RASSF6: variants seen among roughly 807,000 people sequenced by gnomAD.
RASSF6 encodes the protein Ras association domain family member 6, also known as ras association domain-containing protein 6.
In RASSF6, 52 loss-of-function variants were observed where a neutral mutation model predicts 44.0. That is an observed-to-expected ratio of 1.18 (90% CI 0.95 to 1.49). The LOEUF (loss-of-function observed/expected upper bound fraction) is 1.49, where lower values mean the gene tolerates loss of function less well. RASSF6 is among the 40% of genes most tolerant of loss of function. The probability of loss-of-function intolerance (pLI) is 0.00; values close to 1 mark genes in which losing one functional copy is unlikely to be tolerated. For synonymous variants in RASSF6, 162 were observed against 124.6 expected, an observed-to-expected ratio of 1.30 and a Z score of -2.00; for missense variants, 464 against 393.3, an observed-to-expected ratio of 1.18 and a Z score of -1.52.
intron 1 of RASSF6, among the ~76,000 whole-genome samples, chr4:73,615,178 C>CAAA (rs59463389): frequency 0.69 from 53,073 of 77,174 alleles, 18,911 homozygotes; most frequent in East Asian, 0.87. Flanking sequence ...GACTCTGTCT[C>CAAA]AAAAAAAAAA....
chr4:73,576,538 AAGC>A, intron 9 of RASSF6, 31 bp from the exon 10 acceptor site: 1 of 1,555,088 alleles, frequency 6.4e-7, no homozygotes, highest in Non-Finnish European at 8.7e-7. Context: ...AAAAAAAAGA[AAGC>A]AGAACAATTA....
intron 1 of RASSF6, chr4:73,615,814 G>A (rs755741487): frequency 2.5e-4 from 303 of 1,212,336 alleles, no homozygotes; most frequent in Non-Finnish European, 3.4e-4. Flanking sequence ...CAGCATTAGC[G>A]TTCCAGCAAT....
Position 73,598,700 on chromosome 4 carries a change from T to A in RASSF6, c.84A>T (p.Leu28Phe). ...CATAAAAAATGTTATAGGTCTTCAATAAAGAATTAAGTTGTTCCCTAAAAA... is the reference window on the plus strand; with the variant it reads ...CATAAAAAATGTTATAGGTCTTCAAAAAAGAATTAAGTTGTTCCCTAAAAA... ...TFITREQLNSLLKTYNIFYEN... is the reference protein window; with the variant it reads ...TFITREQLNSFLKTYNIFYEN... Residue 28 changes from leucine to phenylalanine, a missense_variant, in exon 3 of 11, where the codon TTA becomes TTT. Leu to Phe is a conservative substitution (Grantham distance 22). Coordinates refer to ENST00000307439, the MANE Select transcript of RASSF6 (RefSeq NM_177532.5). 7.1e-7 allele frequency: 1 copy of A among 1,413,964 alleles called. No homozygotes were observed. 87.6% of individuals were successfully genotyped at this position (1,413,964 alleles called of 1,614,324 possible).
At chr4:73,614,213 C>T (rs1421441891) in intron 1 of RASSF6, among the ~76,000 whole-genome samples, 1 of 152,198 alleles carries the variant, frequency 6.6e-6, no homozygotes, top group Non-Finnish European at 1.5e-5. Flanking sequence ...CTGCTACTAC[C>T]CTAAGCCAAG....
intron 3 of RASSF6, among the ~76,000 whole-genome samples, chr4:73,598,032 G>C (rs1210049150): frequency 6.6e-6 from 1 of 152,176 alleles, no homozygotes. Context: ...CTCAATAGCT[G>C]GGTGAAGAAA....
At chr4:73,591,601 A>C (rs2149378578) in intron 4 of RASSF6, among the ~76,000 whole-genome samples, 3 of 152,216 alleles carry the variant, frequency 2.0e-5, no homozygotes, top group Middle Eastern at 6.8e-3. Flanking sequence ...AAGCCCCATC[A>C]GTCATCAGGT....
chr4:73,592,678 A>G (rs1264874932), intron 4 of RASSF6, among the ~76,000 whole-genome samples: 1 of 152,218 alleles, frequency 6.6e-6, no homozygotes, highest in East Asian at 1.9e-4. Flanking sequence ...TCTGTTGAAC[A>G]GGATTGGGAC....
Position 73,576,525 on chromosome 4 carries a change from GA to G in RASSF6, c.841-19del, listed in dbSNP as rs577176139. 5.5e-3 allele frequency: 7,415 copies of G among 1,358,654 alleles called. 19 individuals are homozygous for G. Among genetic ancestry groups the G allele is most frequent in the Non-Finnish European group, 6.3e-3 (6,341 of 999,286 alleles). The allele number at this position is 1,358,654 out of a possible 1,614,324, so 84.2% of individuals were successfully genotyped here. A position where few individuals can be genotyped will look rare whatever the true frequency, so the allele number is the denominator to read the frequency against. ...TGAGCCACCTAAGAAAGAAGAAGAAGAAAAAAAAAAGAAAGCAGAACAATTA... is the reference window on the plus strand; with the variant it reads ...TGAGCCACCTAAGAAAGAAGAAGAAGAAAAAAAAAGAAAGCAGAACAATTA... On this transcript the variant is annotated intron_variant, in intron 9 of 10. Coordinates refer to ENST00000307439, the MANE Select transcript of RASSF6 (RefSeq NM_177532.5).
intron 1 of RASSF6, among the ~76,000 whole-genome samples, chr4:73,614,350 A>G (rs1726209887): frequency 6.6e-6 from 1 of 152,222 alleles, no homozygotes; most frequent in African/African-American, 2.4e-5. Flanking sequence ...AATAGTATTA[A>G]CAGGTGAGGA....
In RASSF6 at chr4:73,575,063, G is replaced by T. The variant is rs560202360; in HGVS notation, c.*1172C>A. 63 of 152,248 alleles carry T rather than the reference G, an allele frequency of 4.1e-4. No homozygotes were observed. Among genetic ancestry groups the T allele is most frequent in the African/African-American group, 1.5e-3 (61 of 41,550 alleles). 9.4% of individuals were successfully genotyped at this position (152,248 alleles called of 1,614,324 possible). A position where few individuals can be genotyped will look rare whatever the true frequency, so the allele number is the denominator to read the frequency against. On this transcript the variant is annotated 3_prime_UTR_variant, in exon 11 of 11. Transcript: ENST00000307439. ...AGTTTAGGTTTGGTAATACTGAGAAGTAATGCCTTTGTCTTAAAAATGTTT... is the reference window on the plus strand; with the variant it reads ...AGTTTAGGTTTGGTAATACTGAGAATTAATGCCTTTGTCTTAAAAATGTTT...
chr4:73,580,629 G>A (rs868762682), intron 8 of RASSF6, among the ~76,000 whole-genome samples: 117 of 148,210 alleles, frequency 7.9e-4, no homozygotes, highest in African/African-American at 2.6e-3. Flanking sequence ...GCCAGTGATG[G>A]TGAGCATTTT....
chr4:73,580,158 T>C (rs900128746), intron 8 of RASSF6, among the ~76,000 whole-genome samples: 2 of 151,852 alleles, frequency 1.3e-5, no homozygotes, highest in African/African-American at 4.8e-5. Context: ...TTACTAAGAA[T>C]GATGATTTCC....
intron 1 of RASSF6, among the ~76,000 whole-genome samples, chr4:73,613,960 C>G (rs1438743717): frequency 1.3e-5 from 2 of 152,152 alleles, no homozygotes; most frequent in Non-Finnish European, 2.9e-5. Context: ...CGCATGTCAC[C>G]ACCTACCTAA....
rs749627935 is a variant in RASSF6, at chr4:73,585,315, T to G, written c.432A>C (p.Glu144Asp). The change falls in exon 6 of 11, where the codon GAA (glutamate) becomes GAC (aspartate). Residue 144 changes from glutamate (E) to aspartate (D), a missense_variant. Physicochemically the swap from Glu to Asp is conservative, Grantham distance 45 (BLOSUM62 2). Coordinates refer to ENST00000307439, the MANE Select transcript of RASSF6 (RefSeq NM_177532.5). ...TTCTATAGAGCACTGGGGAGTCTGG[T>G]TCATCCTTTGCATGTGGCTTCAGGG... ...SNTLKPHAKD[E>D]PDSPVLYRTM... is the part of the protein sequence containing the mutation. The G allele has an allele frequency of 6.2e-7, 1 of 1,610,322 alleles. No individual in the cohort carries two copies. Among genetic ancestry groups the G allele is most frequent in the Non-Finnish European group, 8.5e-7 (1 of 1,178,178 alleles).
intron 6 of RASSF6, among the ~76,000 whole-genome samples, chr4:73,582,854 A>T (rs1723781093): frequency 2.0e-5 from 3 of 151,992 alleles, no homozygotes; most frequent in Admixed American, 2.0e-4. Context: ...GCACACACAC[A>T]CACACGGCAT....
At position 73,581,874 on chromosome 4, in the gene RASSF6, A is replaced by C. The variant is rs752282436; in HGVS notation, c.670-6T>G. The C allele has an allele frequency of 3.1e-6, 5 of 1,606,508 alleles. No individual in the cohort carries two copies. In the East Asian group the frequency reaches 1.1e-4, roughly 36 times the overall value. ...TCCTGGGGACTATTTTCAATCTGTC[A>C]AGGGAAAAAATGAACAAATATAAAT... On this transcript the variant is annotated splice_polypyrimidine_tract_variant and splice_region_variant and intron_variant, in intron 7 of 10. Transcript: ENST00000307439.
At chr4:73,611,606 G>T in intron 2 of RASSF6, 125 bp downstream of exon 2, 1 of 528,468 alleles carries the variant, frequency 1.9e-6, no homozygotes, top group East Asian at 2.9e-5. Flanking sequence ...TTCTTATCTA[G>T]TATCTCTACT....
intron 2 of RASSF6, among the ~76,000 whole-genome samples, chr4:73,602,005 G>A (rs1015931586): frequency 6.6e-6 from 1 of 152,124 alleles, no homozygotes; most frequent in African/African-American, 2.4e-5. Context: ...AACCTTGGTT[G>A]GTGAGAATTA....
chr4:73,586,215 T>C (rs1453390772), intron 5 of RASSF6, among the ~76,000 whole-genome samples: 4 of 151,908 alleles, frequency 2.6e-5, no homozygotes, highest in Non-Finnish European at 5.9e-5. Context: ...TTTTAGAACA[T>C]TCCAGATGTA....
Sources: gnomAD v4.1 joint callset for allele counts (sites outside exome capture counted in the v4.1 genomes callset) on GRCh38, gnomAD v4.1.1 for gene constraint, MANE v1.5 for transcripts, NCBI Gene and HGNC (gene_info 2026-07-23, HGNC 2026-07-21) for gene names.